The following HSPA12A variants were observed in gnomAD, a reference collection of about 807,000 sequenced individuals.
HSPA12A encodes heat shock 70 kDa protein 12A.
Under a neutral mutation model 69.2 loss-of-function variants are expected in HSPA12A, and 28 were observed. That is an observed-to-expected ratio of 0.40 (90% CI 0.30 to 0.55). HSPA12A has a LOEUF of 0.55. HSPA12A is among the 20% of genes least tolerant of loss of function. The pLI, the probability that HSPA12A is intolerant of heterozygous loss-of-function variation, is 0.38. For missense variants in HSPA12A, 686 were observed against 900.7 expected (o/e 0.76, Z 3.05); for synonymous variants, 345 against 370.5 (o/e 0.93, Z 0.79).
At chr10:116,716,892 A>G (rs1850623071) in intron 1 of HSPA12A, among the ~76,000 whole-genome samples, 1 of 151,884 alleles carries the variant, frequency 6.6e-6, no homozygotes, top group Non-Finnish European at 1.5e-5. Context: ...TCCACCCACC[A>G]TTTTCCAAAT....
At chr10:116,826,745 A>G (rs566593550) in intron 2 of HSPA12A, among the ~76,000 whole-genome samples, 1 of 152,274 alleles carries the variant, frequency 6.6e-6, no homozygotes, top group South Asian at 2.1e-4. Flanking sequence ...ATTTCCTTAT[A>G]TGGACAGAAA....
At chr10:116,693,565 A>T (rs1264146475) in intron 5 of HSPA12A, among the ~76,000 whole-genome samples, 1 of 152,176 alleles carries the variant, frequency 6.6e-6, no homozygotes, top group Admixed American at 6.5e-5. Context: ...TCAAACCGAA[A>T]CACACACCAA....
At chr10:116,742,807 C>T (rs2133072442), upstream of HSPA12A, among the ~76,000 whole-genome samples, 1 of 152,036 alleles carries the variant, frequency 6.6e-6, no homozygotes, top group South Asian at 2.1e-4. Context: ...GCGGTCGCCC[C>T]GCAGTCGACC....
chr10:116,711,603 TACAG>T (rs1850428920), intron 1 of HSPA12A, among the ~76,000 whole-genome samples: 1 of 151,828 alleles, frequency 6.6e-6, no homozygotes, highest in Non-Finnish European at 1.5e-5. Context: ...AATCCCATAA[TACAG>T]AGAGAGTCAA....
At chr10:116,744,716 AGG>A (rs1290402516), upstream of HSPA12A, among the ~76,000 whole-genome samples, 1 of 152,198 alleles carries the variant, frequency 6.6e-6, no homozygotes, top group Non-Finnish European at 1.5e-5. Context: ...CCCGCCAGCG[AGG>A]GGCTGTTGTG....
At chr10:116,695,175 T>C (rs1387864278) in intron 5 of HSPA12A, among the ~76,000 whole-genome samples, 1 of 152,108 alleles carries the variant, frequency 6.6e-6, no homozygotes, top group Non-Finnish European at 1.5e-5. Context: ...CTGCAGAATC[T>C]GAGTCAACTG....
intron 2 of HSPA12A, among the ~76,000 whole-genome samples, chr10:116,754,816 C>G (rs1337264153): frequency 6.6e-6 from 1 of 152,182 alleles, no homozygotes; most frequent in Non-Finnish European, 1.5e-5. Context: ...AGAGTCTATA[C>G]TTTCATACAT....
chr10:116,734,692 CATGAAAAA>C (rs1469389244), intron 1 of HSPA12A, among the ~76,000 whole-genome samples: 2 of 131,692 alleles, frequency 1.5e-5, no homozygotes, highest in Non-Finnish European at 3.2e-5. Context: ...AGCCTTCAAT[CATGAAAAA>C]AGTGCATTCT....
At chr10:116,811,466 C>G (rs774052747) in intron 2 of HSPA12A, among the ~76,000 whole-genome samples, 1 of 151,954 alleles carries the variant, frequency 6.6e-6, no homozygotes, top group Non-Finnish European at 1.5e-5. Context: ...TTCCAGGACC[C>G]GGGAGCTCCC....
chr10:116,738,107 T>C (rs538948013), intron 1 of HSPA12A, among the ~76,000 whole-genome samples: 1 of 152,284 alleles, frequency 6.6e-6, no homozygotes, highest in East Asian at 1.9e-4. Context: ...GAGGCCTATT[T>C]ATATGAAAAG....
At chr10:116,698,611 G>C (rs782607565) in intron 5 of HSPA12A, 24 bp downstream of exon 5, 3 of 1,576,666 alleles carry the variant, frequency 1.9e-6, no homozygotes, top group Non-Finnish European at 2.6e-6. Flanking sequence ...CACACAGCTG[G>C]CTGGCCTCAA....
chr10:116,776,511 T>A (rs1665663), intron 2 of HSPA12A, among the ~76,000 whole-genome samples: 144,868 of 151,738 alleles, frequency 0.95, 69,308 homozygotes, highest in Non-Finnish European at 0.98. Flanking sequence ...ATTCAGAAAA[T>A]TTTTTTTTTC....
At position 116,721,358 on chromosome 10, in the gene HSPA12A, C is replaced by T. The variant is rs569301675; in HGVS notation, c.41-14073G>A. Among the ~76,000 whole-genome samples, 19 of 152,276 alleles carry T rather than the reference C, an allele frequency of 1.2e-4. 1 individual carries two copies. The highest frequency in any genetic ancestry group is 3.4e-3 in the Middle Eastern group (1 of 294). On this transcript the variant is annotated intron_variant, in intron 1 of 11. Coordinates refer to ENST00000369209, the MANE Select transcript of HSPA12A (RefSeq NM_025015.3). ...TCCATAGGTCACAGAAAGGCATCTC[C>T]CAGGTCTCCTCCACAGAGCACAGGA...
intron 2 of HSPA12A, among the ~76,000 whole-genome samples, chr10:116,777,421 A>C (rs924445872): frequency 5.3e-5 from 8 of 152,254 alleles, no homozygotes; most frequent in African/African-American, 1.9e-4. Context: ...GGAGCCACAG[A>C]GCAGCTGCTG....
chr10:116,829,053 A>G (rs1845562562), intron 2 of HSPA12A: 1 of 152,150 alleles, frequency 6.6e-6, no homozygotes, highest in African/African-American at 2.4e-5. Context: ...TATGCCAGAT[A>G]TATTTTGGCT....
chr10:116,731,271 A>C (rs1554885722), intron 1 of HSPA12A, among the ~76,000 whole-genome samples: 1 of 152,232 alleles, frequency 6.6e-6, no homozygotes, highest in Non-Finnish European at 1.5e-5. Context: ...GAAGCCAAAA[A>C]GGTACCTTTA....
chr10:116,716,956 T>C (rs1850624675), intron 1 of HSPA12A, among the ~76,000 whole-genome samples: 1 of 152,176 alleles, frequency 6.6e-6, no homozygotes, highest in East Asian at 1.9e-4. Flanking sequence ...TAGGCTCTTT[T>C]GCAAGCTTAT....
intron 2 of HSPA12A, chr10:116,830,892 T>G (rs924584714): frequency 7.4e-6 from 1 of 135,126 alleles, no homozygotes; most frequent in Non-Finnish European, 1.5e-5. Context: ...GGAGAGGATA[T>G]GTACATATAT....
chr10:116,742,092 G>A (rs1280738069), intron 1 of HSPA12A, among the ~76,000 whole-genome samples: 1 of 151,820 alleles, frequency 6.6e-6, no homozygotes, highest in African/African-American at 2.4e-5. Context: ...GGCTGCACAC[G>A]CGGGGCGGTC....
Sources: allele counts gnomAD v4.1 joint callset (sites outside exome capture counted in the v4.1 genomes callset), GRCh38; gene constraint gnomAD v4.1.1; transcripts MANE v1.5; gene names NCBI Gene and HGNC (gene_info 2026-07-23, HGNC 2026-07-21).